CBR4: variants seen among roughly 807,000 people sequenced by gnomAD.
CBR4 encodes 3-oxoacyl-[acyl-carrier-protein] reductase.
A neutral mutation model predicts 21.0 loss-of-function variants in CBR4; 22 were observed. The observed-to-expected ratio is 1.05, with a 90% CI of 0.75 to 1.50. The LOEUF is 1.50. Among genes scored for constraint, CBR4 ranks in the 40% most tolerant of loss-of-function variants. CBR4 has a pLI of 0.00. For missense variants in CBR4, 302 were observed against 286.3 expected, an observed-to-expected ratio of 1.05 and a Z score of -0.40; for synonymous variants, 100 against 104.4, an observed-to-expected ratio of 0.96 and a Z score of 0.26.
At chr4:169,009,142 C>G in intron 1 of CBR4, 1 of 420,500 alleles carries the variant, frequency 2.4e-6, no homozygotes, top group Admixed American at 3.1e-5. Context: ...CCCCATGCCT[C>G]CCTGATAGTA....
chr4:168,924,554 A>G, intron 2 of CBR4: 1 of 949,878 alleles, frequency 1.1e-6, no homozygotes, highest in South Asian at 1.4e-5. Context: ...AAATCAATCA[A>G]AGACAAAAAC....
rs1764813859 is a variant in CBR4, at chr4:168,989,587, G to C, written c.*563C>G. ...TTGCTAAAGTATTGACAACTAATCA[G>C]TGTCCTCTAAATACTCTTATTTTGG... On this transcript the variant is annotated 3_prime_UTR_variant, in exon 5 of 5. Transcript: ENST00000306193. 1.1e-5 allele frequency: 11 copies of C among 985,098 alleles called. No individual in the cohort carries two copies. The South Asian group carries it at 1.4e-4, about 13-fold the overall frequency. The allele number at this position is 985,098 out of a possible 1,614,324, so 61.0% of individuals were successfully genotyped here.
Position 168,988,539 on chromosome 4 carries a change from C to A in CBR4, c.*1611G>T. 1.0e-6 allele frequency: 1 copy of A among 985,360 alleles called. No homozygotes were observed. Among genetic ancestry groups the A allele is most frequent in the African/African-American group, 1.7e-5 (1 of 57,360 alleles). 61.0% of individuals were successfully genotyped at this position (985,360 alleles called of 1,614,324 possible). On this transcript the variant is annotated 3_prime_UTR_variant, in exon 5 of 5. Transcript: ENST00000306193. Reference sequence around the variant, plus strand: ...ATTGAGACAGCATTAGAGAAACTATCTACTATGTCTGAATAAGCTCCCCTA... The same window carrying A: ...ATTGAGACAGCATTAGAGAAACTATATACTATGTCTGAATAAGCTCCCCTA...
At chr4:168,963,348 CAG>C (rs895197724) in intron 2 of CBR4, among the ~76,000 whole-genome samples, 8 of 152,142 alleles carry the variant, frequency 5.3e-5, no homozygotes, top group African/African-American at 1.7e-4. Flanking sequence ...CTGTTGAAAG[CAG>C]AGTTACTTAC....
At chr4:168,934,634 G>C (rs1292069914) in intron 2 of CBR4, among the ~76,000 whole-genome samples, 1 of 151,670 alleles carries the variant, frequency 6.6e-6, no homozygotes, top group Non-Finnish European at 1.5e-5. Context: ...GAACCAAAAA[G>C]AAACAGCCTG....
At position 168,906,594 on chromosome 4, in the gene CBR4, T is replaced by TTA. The variant is rs1187661296; in HGVS notation, n.170-11831_170-11830dup. ...CATTGTACCCCACAAATATATACAA[T>TTA]TATAATTTATCAATTAGAATAAAAA... is the stretch of plus-strand genomic sequence containing the variant. On this transcript the variant is annotated intron_variant and non_coding_transcript_variant, in intron 2 of 3. Transcript: ENST00000509108. Among the ~76,000 whole-genome samples, 12 of 151,330 alleles carry TTA rather than the reference T, an allele frequency of 7.9e-5. 1 individual carries two copies. The highest frequency in any genetic ancestry group is 2.9e-4 in the African/African-American group (12 of 41,364).
intron 2 of CBR4, among the ~76,000 whole-genome samples, chr4:168,963,820 G>A (rs1214332187): frequency 6.6e-6 from 1 of 152,066 alleles, no homozygotes. Flanking sequence ...AGGTTGCTGA[G>A]GGATGCTCCA....
chr4:168,948,061 A>T (rs1163189385), intron 2 of CBR4, among the ~76,000 whole-genome samples: 1 of 152,118 alleles, frequency 6.6e-6, no homozygotes, highest in Non-Finnish European at 1.5e-5. Flanking sequence ...TTTTTTCATT[A>T]TGGCCATTCT....
chr4:168,921,590 C>A, intron 2 of CBR4: 1 of 1,609,856 alleles, frequency 6.2e-7, no homozygotes, highest in South Asian at 1.1e-5. Context: ...AGCCCGTACG[C>A]CCTGACAGTG....
intron 2 of CBR4, among the ~76,000 whole-genome samples, chr4:168,970,833 GATAT>G (rs71588181): frequency 3.4e-4 from 51 of 149,530 alleles, no homozygotes; most frequent in Non-Finnish European, 6.5e-4. Context: ...AGTAGTCCAT[GATAT>G]ATATATATAT....
At position 168,962,836 on chromosome 4, in the gene CBR4, A is replaced by C. The variant is rs190462435; in HGVS notation, n.169+39235T>G. 4.6e-5 allele frequency among the ~76,000 whole-genome samples: 7 copies of C among 152,344 alleles called. No individual in the cohort carries two copies. In the East Asian group the frequency reaches 1.3e-3, roughly 29 times the overall value. Reference sequence around the variant, plus strand: ...AAAGGAGCACATAAAGGAAATCAATAAAGAAAATCAGAAAGAGGAAGAAAA... The same window carrying C: ...AAAGGAGCACATAAAGGAAATCAATCAAGAAAATCAGAAAGAGGAAGAAAA... On this transcript the variant is annotated intron_variant and non_coding_transcript_variant, in intron 2 of 3. Coordinates refer to the CBR4 transcript ENST00000509108.
chr4:168,984,055 C>CAGAGCAATCAGGCA (rs1764615886), downstream of CBR4, among the ~76,000 whole-genome samples: 2 of 152,058 alleles, frequency 1.3e-5, no homozygotes, highest in African/African-American at 4.8e-5. Context: ...AAGTCCTAGC[C>CAGAGCAATCAGGCA]AGAGCAATCA....
intron 2 of CBR4, among the ~76,000 whole-genome samples, chr4:168,906,089 A>G (rs905212997): frequency 1.3e-5 from 2 of 152,154 alleles, no homozygotes; most frequent in African/African-American, 2.4e-5. Context: ...AAAATGGTGG[A>G]GAACTGACAA....
chr4:168,912,017 G>A (rs1759069456), intron 2 of CBR4, among the ~76,000 whole-genome samples: 2 of 152,036 alleles, frequency 1.3e-5, no homozygotes, highest in Admixed American at 1.3e-4. Context: ...TAGCCCTAAA[G>A]AAGTCCAGGT....
At chr4:168,973,799 C>G (rs910278423) in intron 2 of CBR4, among the ~76,000 whole-genome samples, 1 of 152,242 alleles carries the variant, frequency 6.6e-6, no homozygotes, top group Non-Finnish European at 1.5e-5. Flanking sequence ...AGGAATGTAT[C>G]TATCTCCTCT....
chr4:168,912,921 T>A (rs35509502), intron 2 of CBR4, among the ~76,000 whole-genome samples: 1 of 152,130 alleles, frequency 6.6e-6, no homozygotes, highest in Non-Finnish European at 1.5e-5. Context: ...GAACAAAATA[T>A]AGGTTTTTTT....
chr4:168,986,095 G>A (rs1046800846), downstream of CBR4, among the ~76,000 whole-genome samples: 1 of 151,688 alleles, frequency 6.6e-6, no homozygotes, highest in Non-Finnish European at 1.5e-5. Context: ...AATATCCGGG[G>A]GGGGAACAAT....
chr4:168,912,942 G>A (rs1006252519), intron 2 of CBR4, among the ~76,000 whole-genome samples: 2 of 151,794 alleles, frequency 1.3e-5, no homozygotes, highest in African/African-American at 4.8e-5. Flanking sequence ...AATTACATAG[G>A]CCCTTATCAT....
In CBR4 at chr4:168,910,459, T is replaced by C. The variant is rs144585684; in HGVS notation, n.170-15694A>G. ...TGCCAAAGGTATTTTGTTTTTCCTT[T>C]GGAGTAAATTACATTCTAATACCAA... On this transcript the variant is annotated intron_variant and non_coding_transcript_variant, in intron 2 of 3. Transcript: ENST00000509108. 7.7e-3 allele frequency among the ~76,000 whole-genome samples: 1,169 copies of C among 152,234 alleles called. 17 individuals carry two copies. Among genetic ancestry groups the C allele is most frequent in the African/African-American group, 0.026 (1,093 of 41,544 alleles).
Sources: gnomAD v4.1 joint callset for allele counts (sites outside exome capture counted in the v4.1 genomes callset) on GRCh38, gnomAD v4.1.1 for gene constraint, MANE v1.5 for transcripts, NCBI Gene and HGNC (gene_info 2026-07-23, HGNC 2026-07-21) for gene names.